The following USP34 variants were observed in gnomAD, a reference collection of about 807,000 sequenced individuals.
USP34 encodes the protein ubiquitin carboxyl-terminal hydrolase 34.
USP34 carries 70 observed loss-of-function variants against 460.3 expected under a neutral mutation model. The observed-to-expected ratio is 0.15, with a 90% CI of 0.13 to 0.19. The LOEUF is 0.19. USP34 is among the 10% of genes least tolerant of loss of function. USP34 has a pLI of 1.00. For missense variants in USP34, 3,985 were observed against 4,236.2 expected (o/e 0.94, Z 1.65); for synonymous variants, 1,647 against 1,405.3 (o/e 1.17, Z -3.85).
intron 1 of USP34, among the ~76,000 whole-genome samples, chr2:61,425,022 G>T (rs957198845): frequency 6.6e-6 from 1 of 152,066 alleles, no homozygotes; most frequent in Non-Finnish European, 1.5e-5. Context: ...GTTTCACCAC[G>T]TTGGCCAGGC....
chr2:61,274,791 G>C (rs1458717779), intron 41 of USP34, among the ~76,000 whole-genome samples: 1 of 152,100 alleles, frequency 6.6e-6, no homozygotes, highest in Non-Finnish European at 1.5e-5. Context: ...CAGTTAACTT[G>C]GTTTTCGTTT....
chr2:61,417,331 A>G, intron 2 of USP34: 1 of 658,702 alleles, frequency 1.5e-6, no homozygotes, highest in Non-Finnish European at 2.7e-6. Context: ...GCCATTGCAC[A>G]CTGGACCCCC....
intron 8 of USP34, among the ~76,000 whole-genome samples, chr2:61,375,197 A>T (rs1002605828): frequency 9.9e-5 from 15 of 152,194 alleles, no homozygotes; most frequent in African/African-American, 3.4e-4. Flanking sequence ...ACCATGATGA[A>T]ATGCTACTTT....
intron 72 of USP34, among the ~76,000 whole-genome samples, chr2:61,205,257 T>C (rs1048486106): frequency 2.0e-5 from 3 of 152,190 alleles, no homozygotes; most frequent in Non-Finnish European, 4.4e-5. Context: ...TAATCCTTAA[T>C]CTACTTTTAA....
intron 77 of USP34, 21 bp from the exon 78 acceptor site, chr2:61,190,435 A>C: frequency 6.3e-7 from 1 of 1,597,836 alleles, no homozygotes; most frequent in Non-Finnish European, 8.5e-7. Flanking sequence ...AGATTTAAAA[A>C]AATCTCCAAA....
At chr2:61,324,811 T>A (rs531795942) in intron 21 of USP34, among the ~76,000 whole-genome samples, 77 of 152,102 alleles carry the variant, frequency 5.1e-4, no homozygotes, top group African/African-American at 1.5e-3. Flanking sequence ...TAAAAAAAAA[T>A]TTTTAATTTA....
intron 10 of USP34, among the ~76,000 whole-genome samples, chr2:61,364,983 G>A (rs1692387299): frequency 6.6e-6 from 1 of 151,512 alleles, no homozygotes; most frequent in South Asian, 2.1e-4. Flanking sequence ...GCTGGGTGTG[G>A]TGGCTCATGC....
intron 10 of USP34, among the ~76,000 whole-genome samples, chr2:61,357,083 A>G (rs950216145): frequency 1.3e-5 from 2 of 152,244 alleles, no homozygotes; most frequent in Admixed American, 6.5e-5. Context: ...GAACAACACA[A>G]TAAGCCAAAT....
intron 23 of USP34, 41 bp from the exon 24 acceptor site, chr2:61,315,015 A>G (rs1350053567): frequency 1.3e-6 from 2 of 1,524,396 alleles, no homozygotes; most frequent in African/African-American, 2.7e-5. Flanking sequence ...TTTGTTTGTC[A>G]AACTATGTAA....
rs553383220 is a variant in USP34 at position 61,356,197 on chromosome 2, A to G, written c.1252-5504T>C. Among the ~76,000 whole-genome samples the G allele has an allele frequency of 7.4e-5, 11 of 148,662 alleles. No individual in the cohort carries two copies. The East Asian group carries it at 2.0e-3, about 27-fold the overall frequency. ...ATGAATTTAAAAAAAAAAAAAAAAA[A>G]GTGCTACAGGCCAGGCACAGTGGCT... On this transcript the variant is annotated intron_variant, in intron 10 of 79. Coordinates refer to ENST00000398571, the MANE Select transcript of USP34 (RefSeq NM_014709.4).
intron 12 of USP34, among the ~76,000 whole-genome samples, chr2:61,350,040 G>A (rs1285130286): frequency 6.6e-6 from 1 of 151,984 alleles, no homozygotes; most frequent in Non-Finnish European, 1.5e-5. Flanking sequence ...AACCAAAGCT[G>A]AGAAAATCCA....
rs1305138214 is a variant in USP34, at chr2:61,204,504, A to G, written c.9252T>C (p.Asn3084=). 2 of 1,613,852 alleles carry G rather than the reference A, an allele frequency of 1.2e-6. No homozygotes were observed. The highest frequency in any genetic ancestry group is 1.7e-6 in the Non-Finnish European group (2 of 1,179,718). ...TGCTAGATAAATACGTACTTGGTAT[A>G]TTACTGTGATGGTAAGTACAATGGT... ...QHNHCTYHHS[N]IPMSLGPYFP... Residue 3084 remains asparagine (N), a synonymous_variant, in exon 73 of 80, where the codon AAT becomes AAC. Transcript: ENST00000398571.
Position 61,330,277 on chromosome 2 carries a change from C to G in USP34, c.2930+999G>C, listed in dbSNP as rs114063560. Among the ~76,000 whole-genome samples, 676 of 152,188 alleles carry G rather than the reference C, an allele frequency of 4.4e-3. 2 individuals carry two copies. The highest frequency in any genetic ancestry group is 6.6e-3 in the Non-Finnish European group (452 of 68,004). On this transcript the variant is annotated intron_variant, in intron 20 of 79. Coordinates refer to ENST00000398571, the MANE Select transcript of USP34 (RefSeq NM_014709.4). ...ATATCTTAAAATAGTTGATATCTGA[C>G]ACAATGGTAAATATCAACTAACACT... is the stretch of plus-strand genomic sequence containing the variant.
At chr2:61,293,888 G>C (rs1229630216) in intron 32 of USP34, among the ~76,000 whole-genome samples, 19 of 152,156 alleles carry the variant, frequency 1.2e-4, no homozygotes, top group Admixed American at 1.2e-3. Context: ...GGTGGCTGGT[G>C]CCTATAGTTT....
rs1239665679 is a variant in USP34, at chr2:61,461,845, A to T, written c.43+8805T>A. Among the ~76,000 whole-genome samples, 2 of 152,234 alleles carry T rather than the reference A, an allele frequency of 1.3e-5. 1 individual carries two copies. Among genetic ancestry groups the T allele is most frequent in the Admixed American group, 1.3e-4 (2 of 15,274 alleles). On this transcript the variant is annotated intron_variant, in intron 1 of 79. Transcript: ENST00000398571. ...TCTAAAAGAACCAGGGATGTAGATAAAAGATTTAAGTAGAAAGATGTACAT... is the reference window on the plus strand; with the variant it reads ...TCTAAAAGAACCAGGGATGTAGATATAAGATTTAAGTAGAAAGATGTACAT...
Position 61,350,641 on chromosome 2 carries a change from T to G in USP34, c.1304A>C (p.Asn435Thr). The G allele has an allele frequency of 6.2e-7, 1 of 1,613,876 alleles. No individual in the cohort carries two copies. Among genetic ancestry groups the G allele is most frequent in the Non-Finnish European group, 8.5e-7 (1 of 1,179,912 alleles). ...IHDLFPSLIK[N>T]LDPVPLRHLL... ...ATGTCTAAGTGGTACGGGATCCAAA[T>G]TCTTGATGAGTGAAGGAAATAAGTC... Residue 435 changes from asparagine to threonine, a missense_variant, in exon 11 of 80, where the codon AAT (asparagine) becomes ACT (threonine). Asn to Thr is a moderately conservative substitution (Grantham distance 65). Transcript: ENST00000398571.
At chr2:61,440,918 G>A (rs542003445) in intron 1 of USP34, among the ~76,000 whole-genome samples, 29 of 151,922 alleles carry the variant, frequency 1.9e-4, no homozygotes, top group South Asian at 6.2e-4. Flanking sequence ...ATGAGGTCAG[G>A]AGATCGAGAC....
chr2:61,211,399 G>A (rs909840073), intron 69 of USP34, among the ~76,000 whole-genome samples: 4 of 152,178 alleles, frequency 2.6e-5, no homozygotes, highest in African/African-American at 9.6e-5. Flanking sequence ...AAGCCAGATA[G>A]ATATATTTGG....
At chr2:61,457,223 C>A (rs1695466031) in intron 1 of USP34, among the ~76,000 whole-genome samples, 1 of 152,092 alleles carries the variant, frequency 6.6e-6, no homozygotes, top group East Asian at 1.9e-4. Context: ...CTACAGTGAG[C>A]CGTGATCGTG....
Sources: allele counts gnomAD v4.1 joint callset (sites outside exome capture counted in the v4.1 genomes callset), GRCh38; gene constraint gnomAD v4.1.1; transcripts MANE v1.5; gene names NCBI Gene and HGNC (gene_info 2026-07-23, HGNC 2026-07-21).